PTPRE: variants seen among roughly 807,000 people sequenced by gnomAD.
PTPRE encodes the protein protein tyrosine phosphatase receptor type E, also known as receptor-type tyrosine-protein phosphatase epsilon.
Under a neutral mutation model 102.0 loss-of-function variants are expected in PTPRE, and 51 were observed. The ratio of observed to expected loss-of-function variants is 0.50; its 90% CI spans 0.40 to 0.63. The LOEUF is 0.63. PTPRE is among the 30% of genes least tolerant of loss of function. The pLI is 0.00. For synonymous variants in PTPRE, 345 were observed against 348.2 expected, an observed-to-expected ratio of 0.99 and a Z score of 0.10; for missense variants, 752 against 915.1, an observed-to-expected ratio of 0.82 and a Z score of 2.30.
intron 17 of PTPRE, among the ~76,000 whole-genome samples, chr10:128,074,609 T>C (rs752996288): frequency 2.0e-5 from 3 of 151,986 alleles, no homozygotes; most frequent in East Asian, 3.9e-4. Context: ...AGAGGTTGCA[T>C]TGAGCTGAGA....
At chr10:127,956,898 C>T (rs1344279158) in intron 1 of PTPRE, among the ~76,000 whole-genome samples, 2 of 151,700 alleles carry the variant, frequency 1.3e-5, no homozygotes, top group African/African-American at 4.8e-5. Flanking sequence ...CTGGTCTTTG[C>T]CTGTTTTTTT....
chr10:128,035,042 G>A (rs2135763683), intron 2 of PTPRE, among the ~76,000 whole-genome samples: 1 of 152,228 alleles, frequency 6.6e-6, no homozygotes, highest in Middle Eastern at 3.4e-3. Context: ...GGAGTGCAGT[G>A]GCATGATCTC....
At chr10:127,986,591 T>C (rs1253984751) in intron 2 of PTPRE, among the ~76,000 whole-genome samples, 1 of 152,256 alleles carries the variant, frequency 6.6e-6, no homozygotes, top group African/African-American at 2.4e-5. Context: ...CTTCACTCGC[T>C]TGTTCTTCTT....
At chr10:128,001,993 T>G (rs1433680755) in intron 2 of PTPRE, among the ~76,000 whole-genome samples, 1 of 152,148 alleles carries the variant, frequency 6.6e-6, no homozygotes, top group Non-Finnish European at 1.5e-5. Flanking sequence ...TCGCCTGATC[T>G]CTGCAGGCTG....
intron 1 of PTPRE, among the ~76,000 whole-genome samples, chr10:127,913,231 T>A (rs990015580): frequency 6.6e-6 from 1 of 152,212 alleles, no homozygotes; most frequent in Non-Finnish European, 1.5e-5. Context: ...GGGACCGGAA[T>A]CAAAGGCCTG....
At chr10:127,921,081 A>G (rs904313637) in intron 1 of PTPRE, among the ~76,000 whole-genome samples, 82 of 152,230 alleles carry the variant, frequency 5.4e-4, no homozygotes, top group African/African-American at 1.9e-3. Flanking sequence ...AGAGGTGGAA[A>G]CACAGCTCCT....
chr10:128,042,453 C>A (rs765074200), intron 3 of PTPRE, among the ~76,000 whole-genome samples: 1 of 152,196 alleles, frequency 6.6e-6, no homozygotes, highest in African/African-American at 2.4e-5. Flanking sequence ...TGTCATGTGA[C>A]CTCAGCACCC....
intron 1 of PTPRE, among the ~76,000 whole-genome samples, chr10:127,966,261 T>C (rs1294575276): frequency 1.3e-5 from 2 of 152,218 alleles, no homozygotes; most frequent in Non-Finnish European, 2.9e-5. Flanking sequence ...AGCAGGTGTG[T>C]GGAGCCCTCC....
chr10:127,941,185 G>T (rs1304061218), intron 1 of PTPRE, among the ~76,000 whole-genome samples: 1 of 152,242 alleles, frequency 6.6e-6, no homozygotes, highest in Non-Finnish European at 1.5e-5. Context: ...CAAGGTCACT[G>T]CCACTGGGCT....
intron 11 of PTPRE, among the ~76,000 whole-genome samples, chr10:128,067,192 G>GCA (rs578133959): frequency 1.6e-5 from 2 of 125,006 alleles, no homozygotes; most frequent in Non-Finnish European, 3.4e-5. Context: ...TCACACATGT[G>GCA]CACACACATA....
chr10:127,930,924 C>T, intron 1 of PTPRE, among the ~76,000 whole-genome samples: 1 of 151,910 alleles, frequency 6.6e-6, no homozygotes, highest in Non-Finnish European at 1.5e-5. Context: ...TCCCACGTAG[C>T]TGGGATTACG....
chr10:128,051,745 C>A (rs182757536), intron 6 of PTPRE, among the ~76,000 whole-genome samples: 53 of 152,364 alleles, frequency 3.5e-4, no homozygotes, highest in African/African-American at 1.2e-3. Context: ...TCCTTGTGCT[C>A]AGTGACAGGC....
intron 6 of PTPRE, among the ~76,000 whole-genome samples, chr10:128,055,381 G>C (rs1298186756): frequency 6.6e-6 from 1 of 152,184 alleles, no homozygotes; most frequent in Non-Finnish European, 1.5e-5. Flanking sequence ...GCTCAGAGGG[G>C]ATAGGGGCCC....
At chr10:128,080,298 G>C (rs577954010) in intron 20 of PTPRE, among the ~76,000 whole-genome samples, 6 of 152,156 alleles carry the variant, frequency 3.9e-5, no homozygotes, top group Non-Finnish European at 2.9e-5. Context: ...CAATTTTAAA[G>C]CCTGTTACAA....
At chr10:128,002,085 A>T (rs372234503) in intron 2 of PTPRE, among the ~76,000 whole-genome samples, 1 of 152,296 alleles carries the variant, frequency 6.6e-6, no homozygotes, top group African/African-American at 2.4e-5. Context: ...GGCCGTGCCG[A>T]GGCAGGACTG....
chr10:127,948,844 T>G (rs1200130917), intron 1 of PTPRE, among the ~76,000 whole-genome samples: 1 of 152,246 alleles, frequency 6.6e-6, no homozygotes, highest in Non-Finnish European at 1.5e-5. Context: ...GAGTATATCC[T>G]TCCAGAGGAA....
rs184697126 is a variant in PTPRE, at chr10:127,913,704, C to T, written c.-31+6395C>T. 1.6e-3 allele frequency among the ~76,000 whole-genome samples: 249 copies of T among 152,288 alleles called. 2 individuals are homozygous for T. In the South Asian group the frequency reaches 0.018, roughly 11 times the overall value. On this transcript the variant is annotated intron_variant, in intron 1 of 20. Coordinates refer to ENST00000254667, the MANE Select transcript of PTPRE (RefSeq NM_006504.6). ...ACGCACCCACCAAGCACAGCCCAGACGAAATGGAAGCTCCTGTCCAGGCAG... is the reference window on the plus strand; with the variant it reads ...ACGCACCCACCAAGCACAGCCCAGATGAAATGGAAGCTCCTGTCCAGGCAG...
rs778603773 is a variant in PTPRE at position 127,946,263 on chromosome 10, G to C, written c.-30-36011G>C. ...ACACACATCAAAATGCTTGGAGAAT[G>C]AATGGCTATTCGTGTATATACCATT... On this transcript the variant is annotated intron_variant, in intron 1 of 20. Transcript: ENST00000254667. 7.2e-5 allele frequency among the ~76,000 whole-genome samples: 11 copies of C among 152,192 alleles called. 1 individual carries two copies. The highest frequency in any genetic ancestry group is 1.6e-4 in the Non-Finnish European group (11 of 68,042).
chr10:127,955,286 G>GTACATACATACATACA (rs59251219), intron 1 of PTPRE, among the ~76,000 whole-genome samples: 1 of 149,892 alleles, frequency 6.7e-6, no homozygotes, highest in South Asian at 2.1e-4. Context: ...AAATACATGT[G>GTACATACATACATACA]TACATACATA....
Sources: allele counts gnomAD v4.1 joint callset (sites outside exome capture counted in the v4.1 genomes callset), GRCh38; gene constraint gnomAD v4.1.1; transcripts MANE v1.5; gene names NCBI Gene and HGNC (gene_info 2026-07-23, HGNC 2026-07-21).